Variants in CAMK1D observed in about 807,000 individuals in gnomAD.
CAMK1D encodes the protein calcium/calmodulin dependent protein kinase ID, also known as calcium/calmodulin-dependent protein kinase type 1D.
In CAMK1D, 9 loss-of-function variants were observed where a neutral mutation model predicts 47.7. That is an observed-to-expected ratio of 0.19 (90% CI 0.11 to 0.33). The LOEUF (loss-of-function observed/expected upper bound fraction) is 0.33, where lower values mean the gene tolerates loss of function less well. Among genes scored for constraint, CAMK1D ranks in the 10% least tolerant of loss-of-function variants. The probability of loss-of-function intolerance (pLI) is 1.00; values close to 1 mark genes in which losing one functional copy is unlikely to be tolerated. For synonymous variants in CAMK1D, 184 were observed against 184.9 expected, an observed-to-expected ratio of 0.99 and a Z score of 0.04; for missense variants, 291 against 488.7, an observed-to-expected ratio of 0.60 and a Z score of 3.81.
chr10:12,685,259 C>T (rs1412046067), intron 3 of CAMK1D, among the ~76,000 whole-genome samples: 2 of 152,220 alleles, frequency 1.3e-5, no homozygotes, highest in Non-Finnish European at 2.9e-5. Context: ...CGAGATCATG[C>T]CACTGCACTC....
chr10:12,600,889 G>C (rs1206739308), intron 2 of CAMK1D, among the ~76,000 whole-genome samples: 1 of 152,172 alleles, frequency 6.6e-6, no homozygotes, highest in Non-Finnish European at 1.5e-5. Context: ...TTAGCTTTCT[G>C]TTTCTGAGTT....
intron 3 of CAMK1D, among the ~76,000 whole-genome samples, chr10:12,734,363 T>TATATATATAG (rs1835048377): frequency 9.8e-5 from 1 of 10,182 alleles, no homozygotes; most frequent in African/African-American, 3.5e-4. Flanking sequence ...TATATATATA[T>TATATATATAG]ATATATATAT....
chr10:12,717,901 A>AG, intron 3 of CAMK1D, among the ~76,000 whole-genome samples: 1 of 151,756 alleles, frequency 6.6e-6, no homozygotes, highest in East Asian at 1.9e-4. Flanking sequence ...CAAAAAAAAA[A>AG]AAAAAAGAAA....
At chr10:12,649,181 A>G (rs1368254978) in intron 2 of CAMK1D, among the ~76,000 whole-genome samples, 1 of 152,204 alleles carries the variant, frequency 6.6e-6, no homozygotes, top group Non-Finnish European at 1.5e-5. Flanking sequence ...AATATCTTTT[A>G]CAATCTGTGC....
rs189704498 is a variant in CAMK1D at position 12,772,316 on chromosome 10, G to A, written c.565+2517G>A. On this transcript the variant is annotated intron_variant, in intron 5 of 10. Coordinates refer to ENST00000619168, the MANE Select transcript of CAMK1D (RefSeq NM_153498.4). ...TCGGGAATCCCAGACATTAGAAAATGAAAAGGTCTGTTAGGTCATGATGCT... is the reference window on the plus strand; with the variant it reads ...TCGGGAATCCCAGACATTAGAAAATAAAAAGGTCTGTTAGGTCATGATGCT... Among the ~76,000 whole-genome samples, 139 of 152,274 alleles carry A rather than the reference G, an allele frequency of 9.1e-4. 1 individual carries two copies. The highest frequency in any genetic ancestry group is 3.2e-3 in the African/African-American group (132 of 41,554).
intron 2 of CAMK1D, among the ~76,000 whole-genome samples, chr10:12,559,761 G>A (rs190209946): frequency 7.2e-4 from 109 of 152,254 alleles, no homozygotes; most frequent in African/African-American, 2.6e-3. Flanking sequence ...GAAGAAGTAC[G>A]GGCAGTAGTG....
At chr10:12,412,212 G>T (rs1041877166) in intron 1 of CAMK1D, among the ~76,000 whole-genome samples, 2 of 152,144 alleles carry the variant, frequency 1.3e-5, no homozygotes, top group Admixed American at 6.5e-5. Flanking sequence ...AGCTGGTGGC[G>T]TTGATGACTG....
chr10:12,423,232 G>A (rs1028731056), intron 1 of CAMK1D, among the ~76,000 whole-genome samples: 1 of 149,546 alleles, frequency 6.7e-6, no homozygotes, highest in Admixed American at 6.6e-5. Context: ...AGGCCCCTTC[G>A]GCCAGGTGCA....
chr10:12,604,698 C>T (rs551019999), intron 2 of CAMK1D, among the ~76,000 whole-genome samples: 12 of 152,194 alleles, frequency 7.9e-5, no homozygotes, highest in African/African-American at 2.9e-4. Flanking sequence ...GAATGTATAT[C>T]CATCATCTGT....
At position 12,609,486 on chromosome 10, in the gene CAMK1D, C is replaced by T. The variant is rs139828023; in HGVS notation, c.224+56130C>T. Among the ~76,000 whole-genome samples the T allele has an allele frequency of 7.3e-3, 1,111 of 152,264 alleles. 12 individuals are homozygous for T. Among genetic ancestry groups the T allele is most frequent in the African/African-American group, 0.025 (1,056 of 41,544 alleles). ...CCAGTGGCAGCCCTGAGCTTGTTTT[C>T]CTGCAACTGGACAGTCCCATCTGGG... On this transcript the variant is annotated intron_variant, in intron 2 of 10. Coordinates refer to ENST00000619168, the MANE Select transcript of CAMK1D (RefSeq NM_153498.4).
chr10:12,702,740 G>A (rs994811742), intron 3 of CAMK1D, among the ~76,000 whole-genome samples: 2 of 152,244 alleles, frequency 1.3e-5, no homozygotes, highest in Non-Finnish European at 2.9e-5. Flanking sequence ...TGGTATTTAA[G>A]TCCAGGCCAT....
intron 1 of CAMK1D, among the ~76,000 whole-genome samples, chr10:12,357,298 AGTAGCTG>A (rs995961719): frequency 2.3e-4 from 35 of 150,808 alleles, no homozygotes; most frequent in South Asian, 8.4e-4. Context: ...CAGCCTCCTG[AGTAGCTG>A]GGATTACAGG....
At chr10:12,577,344 C>T (rs1837522301) in intron 2 of CAMK1D, among the ~76,000 whole-genome samples, 1 of 152,232 alleles carries the variant, frequency 6.6e-6, no homozygotes, top group Non-Finnish European at 1.5e-5. Flanking sequence ...CACCTGCCAC[C>T]TCCAGTTCTG....
At chr10:12,543,584 A>T (rs1314488466) in intron 1 of CAMK1D, among the ~76,000 whole-genome samples, 1 of 152,120 alleles carries the variant, frequency 6.6e-6, no homozygotes, top group Non-Finnish European at 1.5e-5. Context: ...ATAATTTTTT[A>T]ACTACTGGTA....
chr10:12,507,374 T>G (rs566257687), intron 1 of CAMK1D, among the ~76,000 whole-genome samples: 1 of 152,146 alleles, frequency 6.6e-6, no homozygotes, highest in Non-Finnish European at 1.5e-5. Flanking sequence ...AACAGGGAAC[T>G]GGCCAGCAGC....
At chr10:12,541,677 G>A (rs1012059790) in intron 1 of CAMK1D, among the ~76,000 whole-genome samples, 3 of 151,650 alleles carry the variant, frequency 2.0e-5, no homozygotes, top group Non-Finnish European at 2.9e-5. Flanking sequence ...CTACTGTTAT[G>A]GTCCATTCGG....
At chr10:12,726,849 C>T (rs939361959) in intron 3 of CAMK1D, among the ~76,000 whole-genome samples, 2 of 152,220 alleles carry the variant, frequency 1.3e-5, no homozygotes, top group South Asian at 2.1e-4. Flanking sequence ...TTTGCTTCAA[C>T]GGGATAGCTC....
intron 1 of CAMK1D, among the ~76,000 whole-genome samples, chr10:12,481,366 A>G (rs190417929): frequency 6.6e-5 from 10 of 152,134 alleles, no homozygotes; most frequent in Admixed American, 2.0e-4. Flanking sequence ...CCAAACCCCT[A>G]TGATTGCATT....
intron 1 of CAMK1D, among the ~76,000 whole-genome samples, chr10:12,455,736 T>C (rs1393814847): frequency 6.6e-6 from 1 of 152,196 alleles, no homozygotes; most frequent in Non-Finnish European, 1.5e-5. Context: ...CTTTGGTGGA[T>C]GGAGTATGAG....
Sources: allele counts gnomAD v4.1 joint callset (sites outside exome capture counted in the v4.1 genomes callset), GRCh38; gene constraint gnomAD v4.1.1; transcripts MANE v1.5; gene names NCBI Gene and HGNC (gene_info 2026-07-23, HGNC 2026-07-21).